AFG3L2: variants seen among roughly 807,000 people sequenced by gnomAD.
The protein encoded by AFG3L2 is AFG3 like matrix AAA peptidase subunit 2.
AFG3L2 carries 54 observed loss-of-function variants against 94.5 expected under a neutral mutation model. The observed-to-expected ratio is 0.57, with a 90% CI of 0.46 to 0.72. The LOEUF is 0.72. Among genes scored for constraint, AFG3L2 ranks in the 30% least tolerant of loss-of-function variants. The pLI is 0.00. For missense variants in AFG3L2, 754 were observed against 994.9 expected (o/e 0.76, Z 3.26); for synonymous variants, 377 against 365.5 (o/e 1.03, Z -0.36).
chr18:12,333,076 CTAT>C (rs56289204), intron 16 of AFG3L2, among the ~76,000 whole-genome samples: 1,032 of 6,372 alleles, frequency 0.16, 38 homozygotes, highest in South Asian at 0.4. Flanking sequence ...TATTATATAA[CTAT>C]TATATAATAG....
chr18:12,332,938 A>AATATATAATATATATTATATATAATATAT (rs1907588066), intron 16 of AFG3L2, among the ~76,000 whole-genome samples: 1 of 123,524 alleles, frequency 8.1e-6, no homozygotes, highest in African/African-American at 3.0e-5. Context: ...TATACTATAT[A>AATATATAATATATATTATATATAATATAT]ACATATAATA....
chr18:12,360,835 C>T (rs114798253), intron 6 of AFG3L2, among the ~76,000 whole-genome samples: 135 of 152,294 alleles, frequency 8.9e-4, no homozygotes, highest in African/African-American at 3.2e-3. Flanking sequence ...GGGATCTGAA[C>T]CCAGACAGTC....
At chr18:12,365,331 C>A (rs753381814) in intron 5 of AFG3L2, among the ~76,000 whole-genome samples, 5 of 152,182 alleles carry the variant, frequency 3.3e-5, no homozygotes, top group African/African-American at 9.7e-5. Flanking sequence ...AGGACGGCTG[C>A]AGCCCAGTCC....
Position 12,340,500 on chromosome 18 carries a change from A to C in AFG3L2, c.1780-99T>G, listed in dbSNP as rs558507592. On this transcript the variant is annotated intron_variant, in intron 14 of 16. Coordinates refer to ENST00000269143, the MANE Select transcript of AFG3L2 (RefSeq NM_006796.3). ...ATAAACTCATTGACTAAAAATAAGCACAACAGCCGCACAGTTCATCAGCCT... is the reference window on the plus strand; with the variant it reads ...ATAAACTCATTGACTAAAAATAAGCCCAACAGCCGCACAGTTCATCAGCCT... 43 of 956,004 alleles carry C rather than the reference A, an allele frequency of 4.5e-5. No individual in the cohort carries two copies. In the African/African-American group the frequency reaches 6.1e-4, roughly 14 times the overall value. The allele number at this position is 956,004 out of a possible 1,614,324, so 59.2% of individuals were successfully genotyped here. A position where few individuals can be genotyped will look rare whatever the true frequency, so the allele number is the denominator to read the frequency against.
At chr18:12,333,053 A>AC (rs377431811) in intron 16 of AFG3L2, among the ~76,000 whole-genome samples, 1 of 93,764 alleles carries the variant, frequency 1.1e-5, no homozygotes, top group Admixed American at 1.6e-4. Flanking sequence ...CTATTATATA[A>AC]TAGATTATAA....
chr18:12,370,372 A>G (rs1272998762), intron 3 of AFG3L2, among the ~76,000 whole-genome samples: 1 of 152,156 alleles, frequency 6.6e-6, no homozygotes, highest in Non-Finnish European at 1.5e-5. Context: ...AAAAATATCA[A>G]CAGAAAATTA....
intron 16 of AFG3L2, among the ~76,000 whole-genome samples, chr18:12,333,361 TA>T (rs1568132377): frequency 7.5e-6 from 1 of 133,304 alleles, no homozygotes; most frequent in Non-Finnish European, 1.5e-5. Flanking sequence ...ATTATATATA[TA>T]TATTTTTTCC....
chr18:12,344,856 G>A (rs1207958227), intron 13 of AFG3L2, among the ~76,000 whole-genome samples: 3 of 152,132 alleles, frequency 2.0e-5, no homozygotes, highest in Non-Finnish European at 4.4e-5. Flanking sequence ...CACACACCCT[G>A]TGTTTTGGGA....
At chr18:12,349,493 C>T (rs922320712) in intron 12 of AFG3L2, among the ~76,000 whole-genome samples, 1 of 152,176 alleles carries the variant, frequency 6.6e-6, no homozygotes, top group Non-Finnish European at 1.5e-5. Context: ...GTGGAAACAG[C>T]CCAAATGGCC....
rs777768063 is a variant in AFG3L2, at chr18:12,359,882, A to G, written c.752+45T>C. 5 of 1,609,758 alleles carry G rather than the reference A, an allele frequency of 3.1e-6. No individual in the cohort carries two copies. In the South Asian group the frequency reaches 3.3e-5, roughly 11 times the overall value. Reference sequence around the variant, plus strand: ...CCAGGGACAGAACACAGTGAACCACAGGCAGCACAGTCAACAGTCTACAAA... The same window carrying G: ...CCAGGGACAGAACACAGTGAACCACGGGCAGCACAGTCAACAGTCTACAAA... On this transcript the variant is annotated intron_variant, in intron 7 of 16. Coordinates refer to ENST00000269143, the MANE Select transcript of AFG3L2 (RefSeq NM_006796.3).
chr18:12,329,460 TGGC>T lies in AFG3L2; in HGVS notation c.*102_*104del. On this transcript the variant is annotated 3_prime_UTR_variant, in exon 17 of 17. Coordinates refer to ENST00000269143, the MANE Select transcript of AFG3L2 (RefSeq NM_006796.3). ...CCATCATTTCAGCTGGGCCAGTGGC[TGGC>T]TAAAATCAGCGCAGCATTCCCATTC... The T allele has an allele frequency of 8.2e-7, 1 of 1,226,472 alleles. No individual in the cohort carries two copies. The highest frequency in any genetic ancestry group is 1.2e-6 in the Non-Finnish European group (1 of 830,516). 76.0% of individuals were successfully genotyped at this position (1,226,472 alleles called of 1,614,324 possible).
rs1373761187 is a variant in AFG3L2 at position 12,358,663 on chromosome 18, A to G, written c.1026+7T>C. ...TTTCAAAAAGTTAATCTTAAATTTC[A>G]TTTTACCTTTGGGATTTTTGCTCCT... On this transcript the variant is annotated splice_region_variant and intron_variant, in intron 8 of 16. Coordinates refer to ENST00000269143, the MANE Select transcript of AFG3L2 (RefSeq NM_006796.3). 16 of 1,613,646 alleles carry G rather than the reference A, an allele frequency of 9.9e-6. No homozygotes were observed. Among genetic ancestry groups the G allele is most frequent in the Non-Finnish European group, 1.2e-5 (14 of 1,179,690 alleles).
chr18:12,348,394 A>AAC lies in AFG3L2; in HGVS notation c.1553-13_1553-12dup, dbSNP rs1332812339. On this transcript the variant is annotated splice_polypyrimidine_tract_variant and intron_variant, in intron 12 of 16. Transcript: ENST00000269143. ...TAGCAACATCAGCACCTAAAAAATG[A>AAC]ACACAGAACAGCTTACCCACCGAAA... The AAC allele has an allele frequency of 6.2e-7, 1 of 1,610,212 alleles. No homozygotes were observed. The highest frequency in any genetic ancestry group is 1.1e-5 in the South Asian group (1 of 90,998).
intron 1 of AFG3L2, among the ~76,000 whole-genome samples, chr18:12,374,647 C>T (rs528187679): frequency 8.6e-4 from 131 of 152,316 alleles, no homozygotes; most frequent in Middle Eastern, 6.8e-3. Context: ...GATACAGGGA[C>T]AATAGTGTCA....
chr18:12,333,370 T>C (rs56168118), intron 16 of AFG3L2, among the ~76,000 whole-genome samples: 89,432 of 132,366 alleles, frequency 0.68, 31,618 homozygotes, highest in Non-Finnish European at 0.78. Flanking sequence ...ATATATTTTT[T>C]CCCCCTGAAA....
intron 16 of AFG3L2, among the ~76,000 whole-genome samples, chr18:12,335,352 C>T (rs747758054): frequency 1.3e-5 from 2 of 152,186 alleles, no homozygotes; most frequent in Non-Finnish European, 2.9e-5. Context: ...TGACATCCCT[C>T]TACTCCTCCT....
In AFG3L2 at chr18:12,377,213, G is replaced by A. The variant is rs897336267; in HGVS notation, c.-131C>T. 4 of 710,764 alleles carry A rather than the reference G, an allele frequency of 5.6e-6. No individual in the cohort carries two copies. The highest frequency in any genetic ancestry group is 1.6e-5 in the South Asian group (1 of 62,262). The allele number at this position is 710,764 out of a possible 1,614,324, so 44.0% of individuals were successfully genotyped here. A position where few individuals can be genotyped will look rare whatever the true frequency, so the allele number is the denominator to read the frequency against. On this transcript the variant is annotated 5_prime_UTR_variant, in exon 1 of 17. Coordinates refer to ENST00000269143, the MANE Select transcript of AFG3L2 (RefSeq NM_006796.3). ...GCGAAGCGCGCCGGCGGCTCACGGA[G>A]GAGCCCAAGCTCTCAACGCGGCGTC...
At chr18:12,367,416 G>A (rs757006850) in intron 3 of AFG3L2, 34 bp from the exon 4 acceptor site, 8 of 1,601,594 alleles carry the variant, frequency 5.0e-6, no homozygotes, top group Admixed American at 1.7e-5. Context: ...ACAGAAGCAC[G>A]GCAAGGTTTT....
At chr18:12,369,368 C>G (rs148085804) in intron 3 of AFG3L2, among the ~76,000 whole-genome samples, 111 of 152,266 alleles carry the variant, frequency 7.3e-4, no homozygotes, top group Non-Finnish European at 1.4e-3. Flanking sequence ...TGTCCCCTGG[C>G]TCTTACTCCT....
Sources: gnomAD v4.1 joint callset for allele counts (sites outside exome capture counted in the v4.1 genomes callset) on GRCh38, gnomAD v4.1.1 for gene constraint, MANE v1.5 for transcripts, NCBI Gene and HGNC (gene_info 2026-07-23, HGNC 2026-07-21) for gene names.